The following RBM47 variants were observed in gnomAD, a reference collection of about 807,000 sequenced individuals.
RBM47 encodes RNA-binding protein 47.
In RBM47, 21 loss-of-function variants were observed where a neutral mutation model predicts 47.1. The observed-to-expected ratio is 0.45, with a 90% CI of 0.32 to 0.64. The LOEUF (loss-of-function observed/expected upper bound fraction) is 0.64, where lower values mean the gene tolerates loss of function less well. Ranked by LOEUF, RBM47 falls within the 30% of genes least tolerant of loss-of-function variation. The pLI, the probability that RBM47 is intolerant of heterozygous loss-of-function variation, is 0.05. For missense variants in RBM47, 708 were observed against 870.9 expected (o/e 0.81, Z 2.35); for synonymous variants, 375 against 361.7 (o/e 1.04, Z -0.42).
At chr4:40,608,928 G>A (rs1560503316) in intron 1 of RBM47, among the ~76,000 whole-genome samples, 1 of 152,160 alleles carries the variant, frequency 6.6e-6, no homozygotes, top group Non-Finnish European at 1.5e-5. Context: ...GGAAAAACGA[G>A]ATGACACGAA....
intron 2 of RBM47, among the ~76,000 whole-genome samples, chr4:40,523,036 G>A (rs1434863231): frequency 6.7e-6 from 1 of 148,922 alleles, no homozygotes; most frequent in Non-Finnish European, 1.5e-5. Flanking sequence ...TATGATCTCG[G>A]CTCACTGCAA....
chr4:40,437,168 AT>A (rs68191356), intron 4 of RBM47, among the ~76,000 whole-genome samples: 2,627 of 128,688 alleles, frequency 0.02, 158 homozygotes, highest in African/African-American at 0.051. Context: ...ATATATATAT[AT>A]ATAATACATA....
chr4:40,504,468 T>G (rs1723823259), intron 2 of RBM47, among the ~76,000 whole-genome samples: 1 of 152,166 alleles, frequency 6.6e-6, no homozygotes, highest in Admixed American at 6.5e-5. Context: ...TCTTTTTGTA[T>G]TTTTAGTAGA....
chr4:40,603,921 G>C (rs1250442587), intron 1 of RBM47, among the ~76,000 whole-genome samples: 1 of 152,122 alleles, frequency 6.6e-6, no homozygotes, highest in Non-Finnish European at 1.5e-5. Flanking sequence ...ATTTCAATCA[G>C]TGCTGATTTT....
chr4:40,465,633 C>T (rs888583470), intron 3 of RBM47, among the ~76,000 whole-genome samples: 3 of 151,616 alleles, frequency 2.0e-5, no homozygotes, highest in African/African-American at 7.3e-5. Context: ...GAGCCGAGAT[C>T]GTGCCACTGC....
At chr4:40,599,729 A>C (rs1424086694) in intron 1 of RBM47, among the ~76,000 whole-genome samples, 1 of 139,948 alleles carries the variant, frequency 7.1e-6, no homozygotes, top group Non-Finnish European at 1.5e-5. Flanking sequence ...GAGAATACAG[A>C]AATGAATTAG....
intron 3 of RBM47, among the ~76,000 whole-genome samples, chr4:40,454,568 G>A (rs1715942441): frequency 6.6e-6 from 1 of 152,196 alleles, no homozygotes; most frequent in Admixed American, 6.5e-5. Flanking sequence ...CACCATCTCA[G>A]CTCACTGCAA....
intron 2 of RBM47, among the ~76,000 whole-genome samples, chr4:40,474,017 T>C (rs1384032199): frequency 6.6e-6 from 1 of 152,220 alleles, no homozygotes; most frequent in Non-Finnish European, 1.5e-5. Flanking sequence ...CTTTTTATAA[T>C]ATGCACCTTG....
intron 5 of RBM47, among the ~76,000 whole-genome samples, chr4:40,435,814 C>CT (rs1320942912): frequency 6.6e-6 from 1 of 151,960 alleles, no homozygotes; most frequent in Non-Finnish European, 1.5e-5. Context: ...ACTCTCCTTA[C>CT]TTAGCCACAG....
intron 1 of RBM47, among the ~76,000 whole-genome samples, chr4:40,592,621 T>C (rs1482767800): frequency 6.6e-6 from 1 of 150,556 alleles, no homozygotes; most frequent in Non-Finnish European, 1.5e-5. Context: ...ACGGGGTTTC[T>C]CTATGTTGGC....
chr4:40,450,387 A>T (rs1307540183), intron 3 of RBM47, among the ~76,000 whole-genome samples: 1 of 151,980 alleles, frequency 6.6e-6, no homozygotes, highest in Non-Finnish European at 1.5e-5. Flanking sequence ...TGAGTTGAGG[A>T]GTTTGAGACC....
Position 40,527,168 on chromosome 4 carries a change from C to G in RBM47, c.-155+17254G>C, listed in dbSNP as rs558905145. Among the ~76,000 whole-genome samples, 8 of 152,218 alleles carry G rather than the reference C, an allele frequency of 5.3e-5. No homozygotes were observed. The East Asian group carries it at 7.7e-4, about 15-fold the overall frequency. On this transcript the variant is annotated intron_variant, in intron 2 of 6. Coordinates refer to ENST00000295971, the MANE Select transcript of RBM47 (RefSeq NM_001098634.2). Reference sequence around the variant, plus strand: ...CACTCTCTCTTGCCCAGGCAGCCACCCTGCAGTGTCGTGGTGTGATCTTGG... The same window carrying G: ...CACTCTCTCTTGCCCAGGCAGCCACGCTGCAGTGTCGTGGTGTGATCTTGG...
At chr4:40,610,202 A>G (rs1458193367) in intron 1 of RBM47, among the ~76,000 whole-genome samples, 1 of 152,212 alleles carries the variant, frequency 6.6e-6, no homozygotes, top group Non-Finnish European at 1.5e-5. Flanking sequence ...TACTAGCTAC[A>G]TAACCCTAGG....
At chr4:40,603,331 A>T (rs975929882) in intron 1 of RBM47, among the ~76,000 whole-genome samples, 2 of 152,116 alleles carry the variant, frequency 1.3e-5, no homozygotes, top group African/African-American at 4.8e-5. Context: ...ATAAGCCACA[A>T]TTTTTTAATT....
chr4:40,596,671 T>C (rs1230636497), intron 1 of RBM47, among the ~76,000 whole-genome samples: 1 of 152,186 alleles, frequency 6.6e-6, no homozygotes, highest in Admixed American at 6.5e-5. Flanking sequence ...TTAATCTTCT[T>C]TTAATCTTCC....
chr4:40,442,548 A>G (rs920206610), intron 3 of RBM47, among the ~76,000 whole-genome samples: 5 of 152,228 alleles, frequency 3.3e-5, no homozygotes, highest in Non-Finnish European at 7.3e-5. Context: ...TCAAATAGAT[A>G]CTTGTATAAT....
intron 2 of RBM47, among the ~76,000 whole-genome samples, chr4:40,527,436 A>ATTTTTTTTTTTTTTTTTTTTTTTTTTTT (rs60524903): frequency 2.9e-5 from 3 of 104,718 alleles, no homozygotes; most frequent in African/African-American, 1.2e-4. Context: ...ACACCTGGCA[A>ATTTTTTTTTTTTTTTTTTTTTTTTTTTT]TTTTTTTTTT....
Position 40,437,896 on chromosome 4 carries a change from C to T in RBM47, c.998G>A (p.Gly333Asp). The change falls in exon 4 of 7, where the codon GGC (glycine) becomes GAC (aspartate). Residue 333 changes from glycine to aspartate, a missense_variant. Transcript: ENST00000295971. ...CTGCGCTGCCTCAGCCGCGCCGCCG[C>T]CCCTGGCTGCCTTCTGGTAGCGCGA... is the stretch of plus-strand genomic sequence containing the variant. ...QYSRYQKAAR[G>D]GGAAEAAQQP... is the part of the protein sequence containing the mutation. 1 of 1,613,960 alleles carries T rather than the reference C, an allele frequency of 6.2e-7. No homozygotes were observed. Among genetic ancestry groups the T allele is most frequent in the South Asian group, 1.1e-5 (1 of 91,078 alleles).
intron 2 of RBM47, among the ~76,000 whole-genome samples, chr4:40,506,093 A>G (rs957398641): frequency 6.6e-6 from 1 of 152,068 alleles, no homozygotes; most frequent in African/African-American, 2.4e-5. Context: ...TTGCTCTAAT[A>G]CTCTTACTAA....
Sources: gnomAD v4.1 joint callset for allele counts (sites outside exome capture counted in the v4.1 genomes callset) on GRCh38, gnomAD v4.1.1 for gene constraint, MANE v1.5 for transcripts, NCBI Gene and HGNC (gene_info 2026-07-23, HGNC 2026-07-21) for gene names.